The following TMEM94 variants were observed in gnomAD, a reference collection of about 807,000 sequenced individuals.
The protein encoded by TMEM94 is transmembrane protein 94.
In TMEM94, 81 loss-of-function variants were observed where a neutral mutation model predicts 158.6. The ratio of observed to expected loss-of-function variants is 0.51; its 90% CI spans 0.43 to 0.61. The LOEUF (loss-of-function observed/expected upper bound fraction) is 0.61. Among genes scored for constraint, TMEM94 ranks in the 20% least tolerant of loss-of-function variants. The pLI is 0.00. For synonymous variants in TMEM94, 751 were observed against 730.7 expected (o/e 1.03, Z -0.45); for missense variants, 1,435 against 1,762.0 (o/e 0.81, Z 3.32).
In TMEM94 at chr17:75,490,905, C is replaced by G. The variant is rs2052113658; in HGVS notation, c.1129-144C>G. 4 of 938,234 alleles carry G rather than the reference C, an allele frequency of 4.3e-6. No homozygotes were observed. The Admixed American group carries it at 8.8e-5, about 21-fold the overall frequency. 58.1% of individuals were successfully genotyped at this position (938,234 alleles called of 1,614,324 possible). The stretch of plus-strand genomic sequence containing the variant: ...ATGTGGACATAACCTGGACCTGTTC[C>G]CATAACGTGTCCACACCCTGTCCCA... On this transcript the variant is annotated intron_variant, in intron 11 of 31. Transcript: ENST00000314256.
At position 75,485,462 on chromosome 17, in the gene TMEM94, G is replaced by C; in HGVS notation, c.59G>C (p.Arg20Pro). 6.2e-7 allele frequency: 1 copy of C among 1,614,146 alleles called. No individual in the cohort carries two copies. The highest frequency in any genetic ancestry group is 8.5e-7 in the Non-Finnish European group (1 of 1,180,006). ...CCCTCAGCCCTGGGCCTGTCCACGCGGAAGGCCCTCAGCGTCCTGAAGGAG... is the reference window on the plus strand; with the variant it reads ...CCCTCAGCCCTGGGCCTGTCCACGCCGAAGGCCCTCAGCGTCCTGAAGGAG... ...EPPSALGLST[R>P]KALSVLKEQL... The change falls in exon 3 of 32, where the codon CGG (arginine) becomes CCG (proline). Residue 20 changes from arginine to proline, a missense_variant. This residue lies in a region of TMEM94 where 1,051 missense variants were observed against 1,254.4 expected (regional missense o/e 0.84). Coordinates refer to ENST00000314256, the MANE Select transcript of TMEM94 (RefSeq NM_014738.6). The surrounding 1 kb of genome is among the most constrained non-coding windows in gnomAD (Gnocchi z 5.5).
At chr17:75,474,748 TGTC>T (rs1332277528) in intron 2 of TMEM94, among the ~76,000 whole-genome samples, 1 of 152,136 alleles carries the variant, frequency 6.6e-6, no homozygotes, top group Non-Finnish European at 1.5e-5. Context: ...GTAGGAGGGT[TGTC>T]GTCCCCTGGC....
chr17:75,486,200 C>T, intron 4 of TMEM94, 90 bp from the exon 5 acceptor site: 4 of 1,565,790 alleles, frequency 2.6e-6, no homozygotes, highest in Non-Finnish European at 3.5e-6. Context: ...CCACAAGGGA[C>T]TGGGGTGGGA....
Position 75,492,611 on chromosome 17 carries a change from C to T in TMEM94, c.1734C>T (p.His578=), listed in dbSNP as rs1296727936. 3.7e-6 allele frequency: 6 copies of T among 1,609,688 alleles called. No individual in the cohort carries two copies. Among genetic ancestry groups the T allele is most frequent in the Non-Finnish European group, 4.3e-6 (5 of 1,176,154 alleles). The change falls in exon 15 of 32, where the codon CAC becomes CAT. Residue 578 remains histidine (H), a synonymous_variant. Transcript: ENST00000314256. The surrounding 1 kb of genome is among the most constrained non-coding windows in gnomAD (Gnocchi z 4.4). ...IQFDDSNWQL[H]LTSLKPLGLN... is the part of the protein sequence containing the mutation. ...TTGATGACTCCAACTGGCAGCTGCA[C>T]CTCACCTCCCTCAAACCCCTGGGCC... is the stretch of plus-strand genomic sequence containing the variant.
rs2052549855 is a variant in TMEM94, at chr17:75,495,015, G to T, written c.2709G>T (p.Leu903=). The change falls in exon 20 of 32, where the codon CTG becomes CTT. Residue 903 remains leucine (L), a synonymous_variant. Transcript: ENST00000314256. This position sits in a 1 kb window ranked among gnomAD's most constrained non-coding sequence, Gnocchi z 5.6. ...CCAGCCCCAGCCACGCAGGCTCCCT[G>T]CATGATGACCTGAATCAGGGTAAGG... ...PPSSPSHAGS[L]HDDLNQVSRD... The T allele has an allele frequency of 6.2e-7, 1 of 1,610,050 alleles. No individual in the cohort carries two copies. Among genetic ancestry groups the T allele is most frequent in the African/African-American group, 1.3e-5 (1 of 74,820 alleles).
At position 75,491,090 on chromosome 17, in the gene TMEM94, C is replaced by T. The variant is rs1000135693; in HGVS notation, c.1170C>T (p.Leu390=). The change falls in exon 12 of 32, where the codon CTC becomes CTT. Residue 390 remains leucine, a synonymous_variant. Transcript: ENST00000314256. This position sits in a 1 kb window ranked among gnomAD's most constrained non-coding sequence, Gnocchi z 5.1. ...RCIWGHFLRV[L]GGTSPTLSHS... The stretch of plus-strand genomic sequence containing the variant: ...TTTGGGGCCACTTCCTGAGGGTGCT[C>T]GGGGGGACATCGCCAACGCTGAGCC... 5 of 1,613,372 alleles carry T rather than the reference C, an allele frequency of 3.1e-6. No individual in the cohort carries two copies. The highest frequency in any genetic ancestry group is 4.5e-5 in the East Asian group (2 of 44,844).
In TMEM94 at chr17:75,495,456, G is replaced by A; in HGVS notation, c.2844+57G>A. The A allele has an allele frequency of 6.3e-7, 1 of 1,591,550 alleles. No homozygotes were observed. The highest frequency in any genetic ancestry group is 1.1e-5 in the South Asian group (1 of 90,458). On this transcript the variant is annotated intron_variant, in intron 21 of 31. Coordinates refer to ENST00000314256, the MANE Select transcript of TMEM94 (RefSeq NM_014738.6). This position sits in a 1 kb window ranked among gnomAD's most constrained non-coding sequence, Gnocchi z 5.6. ...TGTAGTGGTCCCATAGCTGGTCCAG[G>A]GGAGAGGTAGAGAGGTGGTGGGCAG...
In TMEM94 at chr17:75,496,822, G is replaced by A. The variant is rs376954082; in HGVS notation, c.3321+15G>A. The A allele has an allele frequency of 9.3e-5, 150 of 1,611,022 alleles. No individual in the cohort carries two copies. Among genetic ancestry groups the A allele is most frequent in the Non-Finnish European group, 1.2e-4 (138 of 1,178,482 alleles). On this transcript the variant is annotated intron_variant, in intron 25 of 31. Transcript: ENST00000314256. The stretch of plus-strand genomic sequence containing the variant: ...TGGTCATCCAGGTGAGGTGGGGCCC[G>A]CACAGGCATTGCCCCCGTGCCACTC...
chr17:75,474,123 A>C (rs1278942637), intron 2 of TMEM94, among the ~76,000 whole-genome samples: 1 of 152,174 alleles, frequency 6.6e-6, no homozygotes, highest in African/African-American at 2.4e-5. Context: ...AACAACAACA[A>C]ACAAAATGGA....
intron 2 of TMEM94, among the ~76,000 whole-genome samples, chr17:75,474,548 G>A (rs757965699): frequency 1.3e-5 from 2 of 152,172 alleles, no homozygotes; most frequent in Non-Finnish European, 2.9e-5. Flanking sequence ...GGCTGGGGCA[G>A]GAGAATCTCT....
chr17:75,496,859 CAG>C (rs759138110), intron 25 of TMEM94, 52 bp downstream of exon 25: 29 of 1,552,970 alleles, frequency 1.9e-5, no homozygotes, highest in East Asian at 6.7e-5. Flanking sequence ...CCCCTTCACT[CAG>C]GGGCCAGCTG....
chr17:75,465,592 G>A (rs2050272031), intron 1 of TMEM94, among the ~76,000 whole-genome samples: 2 of 148,940 alleles, frequency 1.3e-5, no homozygotes, highest in South Asian at 4.2e-4. Context: ...CAACATGCCT[G>A]GCTGAAATCT....
At chr17:75,462,949 T>C in intron 1 of TMEM94, among the ~76,000 whole-genome samples, 1 of 134,412 alleles carries the variant, frequency 7.4e-6, no homozygotes, top group African/African-American at 2.9e-5. Context: ...GCCATGATCA[T>C]GCCACTGCAC....
chr17:75,495,215 C>A lies in TMEM94; in HGVS notation c.2729-69C>A. 3.5e-6 allele frequency: 5 copies of A among 1,425,672 alleles called. No individual in the cohort carries two copies. The South Asian group carries it at 3.9e-5, about 11-fold the overall frequency. The allele number at this position is 1,425,672 out of a possible 1,614,324, so 88.3% of individuals were successfully genotyped here. A position where few individuals can be genotyped will look rare whatever the true frequency, so the allele number is the denominator to read the frequency against. ...AAGGAGTGGACACAGGCAAAAAATTCTCTGCAGGGCAAGGACAGGTTCCCA... is the reference window on the plus strand; with the variant it reads ...AAGGAGTGGACACAGGCAAAAAATTATCTGCAGGGCAAGGACAGGTTCCCA... On this transcript the variant is annotated intron_variant, in intron 20 of 31. Transcript: ENST00000314256. This position sits in a 1 kb window ranked among gnomAD's most constrained non-coding sequence, Gnocchi z 5.6.
In TMEM94 at chr17:75,464,229, ACT is replaced by A. The variant is rs745950429; in HGVS notation, c.-107+7481_-107+7482del. On this transcript the variant is annotated intron_variant, in intron 1 of 31. Transcript: ENST00000314256. ...CCAAGATTATCATCATTTTCTTCTA[ACT>A]CTTCTGCCTATAATTTCTTTCCTTT... is the stretch of plus-strand genomic sequence containing the variant. Among the ~76,000 whole-genome samples, 138 of 151,532 alleles carry A rather than the reference ACT, an allele frequency of 9.1e-4. 1 individual carries two copies. The highest frequency in any genetic ancestry group is 2.0e-3 in the Admixed American group (30 of 15,190).
In TMEM94 at chr17:75,492,428, C is replaced by A; in HGVS notation, c.1597-46C>A. The A allele has an allele frequency of 6.5e-7, 1 of 1,539,180 alleles. No homozygotes were observed. Among genetic ancestry groups the A allele is most frequent in the Non-Finnish European group, 8.8e-7 (1 of 1,140,124 alleles). ...GGTGGGCAGAGCCAGTGCTGGCTTC[C>A]CCACACCCTATCCCGGGCTGAGGCT... On this transcript the variant is annotated intron_variant, in intron 14 of 31. Transcript: ENST00000314256. The surrounding 1 kb of genome is among the most constrained non-coding windows in gnomAD (Gnocchi z 4.4).
rs1026710171 is a variant in TMEM94, at chr17:75,499,639, C to G, written c.*305C>G. ...TAAACCCCCTCACCTGTGAGCTACC[C>G]CCTTTAGGGATCCCTTGCCCCCTTG... On this transcript the variant is annotated 3_prime_UTR_variant, in exon 32 of 32. Transcript: ENST00000314256. 5.1e-5 allele frequency: 19 copies of G among 371,924 alleles called. No homozygotes were observed. Among genetic ancestry groups the G allele is most frequent in the African/African-American group, 3.7e-4 (18 of 48,606 alleles). The allele number at this position is 371,924 out of a possible 1,614,324, so 23.0% of individuals were successfully genotyped here. A position where few individuals can be genotyped will look rare whatever the true frequency, so the allele number is the denominator to read the frequency against.
rs1193542275 is a variant in TMEM94, at chr17:75,486,578, C to G, written c.409+152C>G. On this transcript the variant is annotated intron_variant, in intron 5 of 31. Coordinates refer to ENST00000314256, the MANE Select transcript of TMEM94 (RefSeq NM_014738.6). ...CTGGGGAGTTAGAAGGATGCCCACT[C>G]TCTTTTGAGCAGGGCAGTGAGAGCT... The G allele has an allele frequency of 5.2e-6, 5 of 965,916 alleles. No individual in the cohort carries two copies. In the Admixed American group the frequency reaches 7.5e-5, roughly 14 times the overall value. 59.8% of individuals were successfully genotyped at this position (965,916 alleles called of 1,614,324 possible). A position where few individuals can be genotyped will look rare whatever the true frequency, so the allele number is the denominator to read the frequency against.
chr17:75,488,844 G>T lies in TMEM94; in HGVS notation c.698G>T (p.Gly233Val). The part of the protein sequence containing the change: ...PPSPRGEVER[G>V]PQSPQQHRLF... ...TCACCCCGGGGAGAAGTGGAGAGAG[G>T]GCCACAGAGCCCCCAGCAGCACCGG... The change falls in exon 7 of 32, where the codon GGG becomes GTG. Residue 233 changes from glycine (G) to valine (V), a missense_variant. By Grantham distance (109) the Gly-to-Val change is moderately radical. Around this residue, in one of 3 missense-constraint regions of TMEM94, gnomAD observed 1,051 missense variants for 1,254.4 expected, o/e 0.84. Coordinates refer to ENST00000314256, the MANE Select transcript of TMEM94 (RefSeq NM_014738.6). 6.2e-7 allele frequency: 1 copy of T among 1,612,506 alleles called. No homozygotes were observed. The highest frequency in any genetic ancestry group is 1.7e-5 in the Admixed American group (1 of 59,842).
Sources: allele counts gnomAD v4.1 joint callset (sites outside exome capture counted in the v4.1 genomes callset), GRCh38; gene constraint gnomAD v4.1.1; regional missense constraint gnomAD v4.1.1; non-coding constraint Gnocchi (gnomAD v3.1); transcripts MANE v1.5; gene names NCBI Gene and HGNC (gene_info 2026-07-23, HGNC 2026-07-21).